The following EGFLAM variants were observed in gnomAD, a reference collection of about 807,000 sequenced individuals.
EGFLAM encodes the protein EGF like, fibronectin type III and laminin G domains.
Under a neutral mutation model 113.1 loss-of-function variants are expected in EGFLAM, and 79 were observed. The ratio of observed to expected loss-of-function variants is 0.70; its 90% CI spans 0.58 to 0.84. The LOEUF (loss-of-function observed/expected upper bound fraction) is 0.84, where lower values mean the gene tolerates loss of function less well. Among genes scored for constraint, EGFLAM ranks in the 40% least tolerant of loss-of-function variants. The pLI, the probability that EGFLAM is intolerant of heterozygous loss-of-function variation, is 0.00. For synonymous variants in EGFLAM, 504 were observed against 487.6 expected, an observed-to-expected ratio of 1.03 and a Z score of -0.44; for missense variants, 1,265 against 1,291.6, an observed-to-expected ratio of 0.98 and a Z score of 0.32.
intron 1 of EGFLAM, among the ~76,000 whole-genome samples, chr5:38,289,379 C>A (rs1346549147): frequency 6.6e-6 from 1 of 151,994 alleles, no homozygotes. Flanking sequence ...TCATACCCAT[C>A]TGTATTAGTC....
At chr5:38,416,187 A>G (rs189853897) in intron 11 of EGFLAM, among the ~76,000 whole-genome samples, 1 of 152,318 alleles carries the variant, frequency 6.6e-6, no homozygotes, top group Non-Finnish European at 1.5e-5. Context: ...TGGCTGTTTA[A>G]TAAGCTTTCT....
At chr5:38,291,604 G>T (rs1030057392) in intron 1 of EGFLAM, among the ~76,000 whole-genome samples, 1 of 152,172 alleles carries the variant, frequency 6.6e-6, no homozygotes, top group Non-Finnish European at 1.5e-5. Flanking sequence ...AAATAGAAGT[G>T]GAATGAAAAT....
At chr5:38,367,267 C>CTT (rs746689355) in intron 5 of EGFLAM, among the ~76,000 whole-genome samples, 1 of 138,006 alleles carries the variant, frequency 7.2e-6, no homozygotes, top group Non-Finnish European at 1.6e-5. Flanking sequence ...CCACCCCAGA[C>CTT]TTTTTTTTTT....
chr5:38,451,348 G>T lies in EGFLAM; in HGVS notation c.2577G>T (p.Arg859Ser). 6 of 1,614,210 alleles carry T rather than the reference G, an allele frequency of 3.7e-6. No homozygotes were observed. The highest frequency in any genetic ancestry group is 5.1e-6 in the Non-Finnish European group (6 of 1,180,024). Residue 859 changes from arginine to serine, a missense_variant, in exon 19 of 22, where the codon AGG becomes AGT. Physicochemically the swap from Arg to Ser is moderately radical, Grantham distance 110. Coordinates refer to ENST00000322350, the MANE Select transcript of EGFLAM (RefSeq NM_152403.4). Reference sequence around the variant, plus strand: ...GATCAAGATCAAATGTGTTCATGAGGTTTAAAACAACTGCCAAGGATGGCC... The same window carrying T: ...GATCAAGATCAAATGTGTTCATGAGTTTTAAAACAACTGCCAAGGATGGCC... Reference protein sequence around the residue: ...VSGSRSNVFMRFKTTAKDGLL... With the variant: ...VSGSRSNVFMSFKTTAKDGLL...
chr5:38,261,194 TCTGAG>T (rs1473475076), intron 1 of EGFLAM, among the ~76,000 whole-genome samples: 5 of 152,218 alleles, frequency 3.3e-5, no homozygotes, highest in African/African-American at 1.2e-4. Context: ...CAGCTTCAAG[TCTGAG>T]TCTAGTTTGG....
chr5:38,311,121 G>T (rs1738431528), intron 1 of EGFLAM, among the ~76,000 whole-genome samples: 1 of 152,070 alleles, frequency 6.6e-6, no homozygotes, highest in East Asian at 1.9e-4. Context: ...TTTATTTATG[G>T]TGTACAACAT....
At chr5:38,279,947 A>G (rs539146374) in intron 1 of EGFLAM, among the ~76,000 whole-genome samples, 1 of 152,310 alleles carries the variant, frequency 6.6e-6, no homozygotes, top group South Asian at 2.1e-4. Flanking sequence ...CAATGTATAT[A>G]TACTTTAAAA....
In EGFLAM at chr5:38,363,113, C is replaced by CT. The variant is rs368538146; in HGVS notation, c.546-7173dup. ...GAAAGCTGAAGGTCAAATACTACATCTTTTTTTTTTCCATCTTTGACTACT... is the reference window on the plus strand; with the variant it reads ...GAAAGCTGAAGGTCAAATACTACATCTTTTTTTTTTTCCATCTTTGACTACT... On this transcript the variant is annotated intron_variant, in intron 5 of 21. Coordinates refer to ENST00000322350, the MANE Select transcript of EGFLAM (RefSeq NM_152403.4). Among the ~76,000 whole-genome samples the CT allele has an allele frequency of 9.7e-3, 1,453 of 150,408 alleles. 22 individuals are homozygous for CT. Among genetic ancestry groups the CT allele is most frequent in the African/African-American group, 0.033 (1,374 of 41,060 alleles).
intron 15 of EGFLAM, 81 bp downstream of exon 15, chr5:38,431,369 A>T: frequency 1.4e-6 from 2 of 1,419,466 alleles, no homozygotes; most frequent in South Asian, 2.6e-5. Context: ...GAAAAGCAGC[A>T]GAGTGTTCTG....
intron 1 of EGFLAM, among the ~76,000 whole-genome samples, chr5:38,269,480 C>T (rs1333101533): frequency 6.7e-6 from 1 of 149,140 alleles, no homozygotes; most frequent in Non-Finnish European, 1.5e-5. Flanking sequence ...TTGGTTGAAC[C>T]ACTTTTCTTT....
At chr5:38,292,327 T>C (rs1293305916) in intron 1 of EGFLAM, among the ~76,000 whole-genome samples, 1 of 152,244 alleles carries the variant, frequency 6.6e-6, no homozygotes, top group Non-Finnish European at 1.5e-5. Context: ...CCTTTGTTCT[T>C]ACATGGCTAA....
chr5:38,458,746 C>T (rs1274386740), intron 20 of EGFLAM, among the ~76,000 whole-genome samples: 2 of 152,014 alleles, frequency 1.3e-5, no homozygotes, highest in Admixed American at 6.6e-5. Context: ...TTGGGGAGGC[C>T]GAGGTGGGTG....
intron 5 of EGFLAM, among the ~76,000 whole-genome samples, chr5:38,357,559 G>T (rs1739794947): frequency 6.6e-6 from 1 of 152,106 alleles, no homozygotes; most frequent in South Asian, 2.1e-4. Context: ...TCTACTTCCT[G>T]TGTACAGAAG....
chr5:38,412,566 G>T lies in EGFLAM; in HGVS notation c.1412G>T (p.Trp471Leu), dbSNP rs1007019658. ...VSETKIKLGG[W>L]HTVMLYRDGL... ...GAGACCAAAATCAAACTAGGGGGTT[G>T]GCACACGGTTATGCTCTACAGAGAT... The change falls in exon 11 of 22, where the codon TGG becomes TTG. Residue 471 changes from tryptophan to leucine, a missense_variant. By Grantham distance (61) the Trp-to-Leu change is moderately conservative (BLOSUM62 -2). Coordinates refer to ENST00000322350, the MANE Select transcript of EGFLAM (RefSeq NM_152403.4). The T allele has an allele frequency of 2.5e-6, 4 of 1,614,028 alleles. No individual in the cohort carries two copies. The African/African-American group carries it at 5.3e-5, about 22-fold the overall frequency.
intron 17 of EGFLAM, chr5:38,445,768 C>T: frequency 6.5e-7 from 1 of 1,531,892 alleles, no homozygotes; most frequent in Non-Finnish European, 8.9e-7. Context: ...CAACCGCATG[C>T]AGGGGGACCC....
chr5:38,455,034 A>G (rs375129869), intron 19 of EGFLAM, among the ~76,000 whole-genome samples: 1 of 152,186 alleles, frequency 6.6e-6, no homozygotes, highest in African/African-American at 2.4e-5. Context: ...CATAAAACCT[A>G]CCACCGGTGG....
At chr5:38,272,365 T>TC (rs1436830368) in intron 1 of EGFLAM, among the ~76,000 whole-genome samples, 1 of 152,104 alleles carries the variant, frequency 6.6e-6, no homozygotes, top group African/African-American at 2.4e-5. Flanking sequence ...CAATCCTCCT[T>TC]CCCCCATTTG....
At chr5:38,382,380 A>G (rs1205701499) in intron 6 of EGFLAM, among the ~76,000 whole-genome samples, 1 of 152,244 alleles carries the variant, frequency 6.6e-6, no homozygotes, top group African/African-American at 2.4e-5. Flanking sequence ...TTATTGAACT[A>G]ATTCCTCATT....
intron 12 of EGFLAM, among the ~76,000 whole-genome samples, chr5:38,421,629 C>A (rs1388437432): frequency 6.6e-6 from 1 of 152,144 alleles, no homozygotes; most frequent in Non-Finnish European, 1.5e-5. Flanking sequence ...TGTGGAGAGA[C>A]CAAATTAATA....
Sources: gnomAD v4.1 joint callset for allele counts (sites outside exome capture counted in the v4.1 genomes callset) on GRCh38, gnomAD v4.1.1 for gene constraint, MANE v1.5 for transcripts, NCBI Gene and HGNC (gene_info 2026-07-23, HGNC 2026-07-21) for gene names.